Variants in LRRC74A observed in about 807,000 individuals in gnomAD.
The protein encoded by LRRC74A is leucine-rich repeat-containing protein 74A.
LRRC74A carries 44 observed loss-of-function variants against 57.9 expected under a neutral mutation model. The observed-to-expected ratio is 0.76, with a 90% CI of 0.60 to 0.98. LRRC74A has a LOEUF of 0.98. Among genes scored for constraint, LRRC74A ranks in the 50% least tolerant of loss-of-function variants. The probability of loss-of-function intolerance (pLI) is 0.00; values close to 1 mark genes in which losing one functional copy is unlikely to be tolerated. For synonymous variants in LRRC74A, 211 were observed against 219.4 expected, an observed-to-expected ratio of 0.96 and a Z score of 0.34; for missense variants, 572 against 574.0, an observed-to-expected ratio of 1.00 and a Z score of 0.04.
At chr14:76,869,698 G>C (rs1407131471) in intron 13 of LRRC74A, among the ~76,000 whole-genome samples, 1 of 151,412 alleles carries the variant, frequency 6.6e-6, no homozygotes, top group Non-Finnish European at 1.5e-5. Context: ...GAAGGCAGAG[G>C]TTGCAGTGAG....
At chr14:76,833,504 T>C (rs1896113549) in intron 3 of LRRC74A, among the ~76,000 whole-genome samples, 2 of 141,444 alleles carry the variant, frequency 1.4e-5, no homozygotes, top group Non-Finnish European at 3.0e-5. Flanking sequence ...TGCAGGGTCA[T>C]GATCTGAGCT....
At chr14:76,866,180 C>T (rs1898780782) in intron 12 of LRRC74A, 105 bp downstream of exon 12, 1 of 815,108 alleles carries the variant, frequency 1.2e-6, no homozygotes, top group African/African-American at 1.7e-5. Context: ...CTTGTGAGCA[C>T]TTCCTAGAGC....
chr14:76,856,820 ATGGATGGATGAGAGG>A (rs1897925608), intron 9 of LRRC74A, among the ~76,000 whole-genome samples: 1 of 149,006 alleles, frequency 6.7e-6, no homozygotes, highest in African/African-American at 2.5e-5. Context: ...GGATGGATGC[ATGGATGGATGAGAGG>A]TGGATGGATG....
At chr14:76,841,905 T>C (rs1032058658) in intron 5 of LRRC74A, among the ~76,000 whole-genome samples, 4 of 151,846 alleles carry the variant, frequency 2.6e-5, no homozygotes, top group African/African-American at 4.8e-5. Context: ...AGAGATGGGG[T>C]TTCTCCATGT....
At chr14:76,854,503 A>G (rs991636132) in intron 9 of LRRC74A, among the ~76,000 whole-genome samples, 1 of 152,174 alleles carries the variant, frequency 6.6e-6, no homozygotes, top group Non-Finnish European at 1.5e-5. Flanking sequence ...ACTACTTGGG[A>G]GGCTGAGGCA....
At chr14:76,858,328 A>G (rs1379688171) in intron 10 of LRRC74A, among the ~76,000 whole-genome samples, 1 of 152,064 alleles carries the variant, frequency 6.6e-6, no homozygotes, top group Non-Finnish European at 1.5e-5. Context: ...GGTGTTCCTT[A>G]GCTTGTAGAA....
intron 7 of LRRC74A, among the ~76,000 whole-genome samples, chr14:76,849,984 G>T (rs999472151): frequency 3.3e-5 from 5 of 151,960 alleles, no homozygotes; most frequent in Non-Finnish European, 5.9e-5. Flanking sequence ...CGAGGCGGGC[G>T]GATCACAAGG....
At position 76,836,131 on chromosome 14, in the gene LRRC74A, G is replaced by A. The variant is rs879461652; in HGVS notation, c.340-76G>A. ...ATCTCCACGCCCATTCACATGGCTG[G>A]CCCAGGGCGAGCAGGGAACTGACTG... On this transcript the variant is annotated intron_variant, in intron 3 of 13. Transcript: ENST00000689127. 2.3e-5 allele frequency: 25 copies of A among 1,069,770 alleles called. No homozygotes were observed. In the Admixed American group the frequency reaches 4.4e-4, roughly 19 times the overall value. 66.3% of individuals were successfully genotyped at this position (1,069,770 alleles called of 1,614,324 possible). A position where few individuals can be genotyped will look rare whatever the true frequency, so the allele number is the denominator to read the frequency against.
In LRRC74A at chr14:76,857,445, C is replaced by T. The variant is rs1299473341; in HGVS notation, c.1023C>T (p.Pro341=). The T allele has an allele frequency of 6.3e-7, 1 of 1,585,592 alleles. No individual in the cohort carries two copies. Among genetic ancestry groups the T allele is most frequent in the South Asian group, 1.1e-5 (1 of 87,040 alleles). Residue 341 remains proline (P), a synonymous_variant, in exon 10 of 14, where the codon CCC becomes CCT. Transcript: ENST00000689127. ...TTATCCTGGCTATCAAGAGGAACCC[C>T]AAATCCAGGATGGAAGAGCTTGATA... ...ILLILAIKRN[P]KSRMEELDIS...
chr14:76,859,534 CAAAA>C (rs562270049), intron 10 of LRRC74A, among the ~76,000 whole-genome samples: 1 of 91,514 alleles, frequency 1.1e-5, no homozygotes, highest in African/African-American at 4.1e-5. Flanking sequence ...AACTCCATCT[CAAAA>C]AAAAAAAAAA....
intron 5 of LRRC74A, among the ~76,000 whole-genome samples, chr14:76,840,239 G>A (rs1276180265): frequency 2.6e-5 from 4 of 152,068 alleles, no homozygotes; most frequent in African/African-American, 9.6e-5. Flanking sequence ...TTGAGCCCAG[G>A]ACTGGCCCCC....
Position 76,831,275 on chromosome 14 carries a change from C to T in LRRC74A, c.239C>T (p.Pro80Leu). The T allele has an allele frequency of 6.2e-7, 1 of 1,614,028 alleles. No individual in the cohort carries two copies. The highest frequency in any genetic ancestry group is 8.5e-7 in the Non-Finnish European group (1 of 1,179,880). ...GCCTGCAAGCTGATGGGTGTAGTGC[C>T]TGTCTCCTACTTCATTCGGAACATG... ...LEACKLMGVVPVSYFIRNMEE... is the reference protein window; with the variant it reads ...LEACKLMGVVLVSYFIRNMEE... The change falls in exon 3 of 14, where the codon CCT (proline) becomes CTT (leucine). Residue 80 changes from proline (P) to leucine (L), a missense_variant. Transcript: ENST00000689127.
At chr14:76,843,318 A>AGC (rs1325219953) in intron 5 of LRRC74A, among the ~76,000 whole-genome samples, 1 of 117,588 alleles carries the variant, frequency 8.5e-6, no homozygotes, top group Non-Finnish European at 1.9e-5. Flanking sequence ...AAAAAAAAAA[A>AGC]AAAAACTTGT....
chr14:76,866,205 T>C (rs1898782542), intron 12 of LRRC74A, 130 bp downstream of exon 12: 2 of 697,286 alleles, frequency 2.9e-6, no homozygotes, highest in Non-Finnish European at 2.5e-6. Flanking sequence ...TGGGACAGGC[T>C]ATGGGACACT....
intron 13 of LRRC74A, among the ~76,000 whole-genome samples, chr14:76,868,343 C>T (rs1255759444): frequency 1.3e-5 from 2 of 152,192 alleles, no homozygotes; most frequent in Admixed American, 1.3e-4. Flanking sequence ...GCAGTGCATG[C>T]TTGAAGTCCC....
intron 3 of LRRC74A, among the ~76,000 whole-genome samples, chr14:76,835,441 C>T (rs1399148119): frequency 6.7e-6 from 1 of 149,690 alleles, no homozygotes; most frequent in African/African-American, 2.5e-5. Flanking sequence ...GAGCCGAGAT[C>T]ACGCCACTGC....
intron 9 of LRRC74A, among the ~76,000 whole-genome samples, chr14:76,854,459 T>C: frequency 6.6e-6 from 1 of 151,988 alleles, no homozygotes; most frequent in Non-Finnish European, 1.5e-5. Context: ...AATACAAAAT[T>C]AGCCAGGCGT....
In LRRC74A at chr14:76,857,456, T is replaced by G; in HGVS notation, c.1034T>G (p.Met345Arg). The G allele has an allele frequency of 6.3e-7, 1 of 1,579,760 alleles. No individual in the cohort carries two copies. Among genetic ancestry groups the G allele is most frequent in the South Asian group, 1.2e-5 (1 of 86,548 alleles). Reference sequence around the variant, plus strand: ...ATCAAGAGGAACCCCAAATCCAGGATGGAAGAGCTTGATATTTCCGTAAGT... The same window carrying G: ...ATCAAGAGGAACCCCAAATCCAGGAGGGAAGAGCTTGATATTTCCGTAAGT... ...LAIKRNPKSRMEELDISNVLV... is the reference protein window; with the variant it reads ...LAIKRNPKSRREELDISNVLV... The change falls in exon 10 of 14, where the codon ATG becomes AGG. Residue 345 changes from methionine (M) to arginine (R), a missense_variant. By Grantham distance (91) the Met-to-Arg change is moderately conservative (BLOSUM62 -1). Transcript: ENST00000689127.
chr14:76,854,047 T>C (rs937584516), intron 9 of LRRC74A, among the ~76,000 whole-genome samples: 4 of 152,126 alleles, frequency 2.6e-5, no homozygotes, highest in Non-Finnish European at 5.9e-5. Flanking sequence ...GAGCCCCAAG[T>C]GCCCCTCCAG....
Sources: allele counts gnomAD v4.1 joint callset (sites outside exome capture counted in the v4.1 genomes callset), GRCh38; gene constraint gnomAD v4.1.1; transcripts MANE v1.5; gene names NCBI Gene and HGNC (gene_info 2026-07-23, HGNC 2026-07-21).